Variants in CYTH3 observed in about 807,000 individuals in gnomAD.
The protein encoded by CYTH3 is cytohesin-3.
Under a neutral mutation model 55.1 loss-of-function variants are expected in CYTH3, and 23 were observed. That is an observed-to-expected ratio of 0.42 (90% CI 0.30 to 0.59). The LOEUF (loss-of-function observed/expected upper bound fraction) is 0.59, where lower values mean the gene tolerates loss of function less well. Among genes scored for constraint, CYTH3 ranks in the 20% least tolerant of loss-of-function variants. The probability of loss-of-function intolerance (pLI) is 0.20; values close to 1 mark genes in which losing one functional copy is unlikely to be tolerated. For missense variants in CYTH3, 413 were observed against 524.8 expected (o/e 0.79, Z 2.08); for synonymous variants, 249 against 194.9 (o/e 1.28, Z -2.31).
chr7:6,263,627 C>A (rs970121690), intron 1 of CYTH3, among the ~76,000 whole-genome samples: 2 of 151,962 alleles, frequency 1.3e-5, no homozygotes, highest in Non-Finnish European at 2.9e-5. Context: ...AAAAACCTGT[C>A]TCTACTAAAA....
chr7:6,259,195 G>GA (rs924997853), intron 1 of CYTH3, among the ~76,000 whole-genome samples: 2 of 152,048 alleles, frequency 1.3e-5, no homozygotes, highest in Non-Finnish European at 2.9e-5. Flanking sequence ...AAACTTGGGG[G>GA]AAAAAAATCA....
intron 1 of CYTH3, among the ~76,000 whole-genome samples, chr7:6,223,148 C>G (rs966968086): frequency 6.6e-6 from 1 of 151,076 alleles, no homozygotes; most frequent in Non-Finnish European, 1.5e-5. Flanking sequence ...CGCCTCTGCC[C>G]GGCCGCCCCG....
At chr7:6,267,053 G>A (rs1583210434) in intron 1 of CYTH3, among the ~76,000 whole-genome samples, 1 of 152,180 alleles carries the variant, frequency 6.6e-6, no homozygotes, top group Non-Finnish European at 1.5e-5. Context: ...GGACTCCTGA[G>A]ATCTGGTCGT....
At chr7:6,207,295 C>T (rs1367332391) in intron 1 of CYTH3, among the ~76,000 whole-genome samples, 2 of 151,960 alleles carry the variant, frequency 1.3e-5, no homozygotes, top group Admixed American at 6.6e-5. Flanking sequence ...AGGGCTTCAC[C>T]GTGTTAGCCA....
chr7:6,248,247 CAA>C (rs754789105), intron 1 of CYTH3, among the ~76,000 whole-genome samples: 20 of 128,194 alleles, frequency 1.6e-4, no homozygotes, highest in Non-Finnish European at 1.3e-4. Context: ...CCCCCCCAGC[CAA>C]AAAAAAAAAA....
chr7:6,164,381 TA>T lies in CYTH3; in HGVS notation c.*562del, dbSNP rs1235605289. The T allele has an allele frequency of 6.5e-6, 1 of 153,120 alleles. No individual in the cohort carries two copies. Among genetic ancestry groups the T allele is most frequent in the Non-Finnish European group, 1.5e-5 (1 of 68,354 alleles). 9.5% of individuals were successfully genotyped at this position (153,120 alleles called of 1,614,324 possible). On this transcript the variant is annotated 3_prime_UTR_variant, in exon 13 of 13. Transcript: ENST00000350796. ...TACTGTTAGAAAGTATCTTTTGTTA[TA>T]ATTTCAGAATATAAAAAGGCATATA...
intron 1 of CYTH3, among the ~76,000 whole-genome samples, chr7:6,198,332 G>A (rs549056296): frequency 7.3e-6 from 1 of 137,474 alleles, no homozygotes; most frequent in East Asian, 3.6e-4. Context: ...CACCCAGATT[G>A]TATAGCAAAT....
chr7:6,255,142 C>G (rs895598265), intron 1 of CYTH3, among the ~76,000 whole-genome samples: 1 of 152,108 alleles, frequency 6.6e-6, no homozygotes, highest in East Asian at 1.9e-4. Flanking sequence ...GGTTTTTTAA[C>G]AGCTTAGGGA....
At chr7:6,220,826 T>C (rs1433962133) in intron 1 of CYTH3, among the ~76,000 whole-genome samples, 2 of 151,996 alleles carry the variant, frequency 1.3e-5, no homozygotes, top group Non-Finnish European at 2.9e-5. Context: ...TGAAACCCCA[T>C]CTCTACTAAA....
chr7:6,188,246 CT>C (rs1048152955), intron 2 of CYTH3, among the ~76,000 whole-genome samples: 77 of 151,866 alleles, frequency 5.1e-4, no homozygotes, highest in African/African-American at 1.7e-3. Flanking sequence ...GGAGGGAGGA[CT>C]GCATGAACCC....
At chr7:6,222,983 T>C (rs1185575330) in intron 1 of CYTH3, among the ~76,000 whole-genome samples, 1 of 152,238 alleles carries the variant, frequency 6.6e-6, no homozygotes, top group Admixed American at 6.5e-5. Flanking sequence ...ACTAAACACT[T>C]GCTGGCAGCC....
chr7:6,230,276 T>C (rs1779358300), intron 1 of CYTH3, among the ~76,000 whole-genome samples: 1 of 152,222 alleles, frequency 6.6e-6, no homozygotes, highest in South Asian at 2.1e-4. Context: ...CTGATTATAT[T>C]AACCACTATT....
At chr7:6,240,125 G>C (rs1262317003) in intron 1 of CYTH3, among the ~76,000 whole-genome samples, 1 of 152,096 alleles carries the variant, frequency 6.6e-6, no homozygotes, top group African/African-American at 2.4e-5. Context: ...GGCCAACACA[G>C]TGAAACCTCG....
At chr7:6,225,895 G>T (rs559256796) in intron 1 of CYTH3, among the ~76,000 whole-genome samples, 1 of 151,576 alleles carries the variant, frequency 6.6e-6, no homozygotes, top group Non-Finnish European at 1.5e-5. Context: ...GGCCAGACTG[G>T]TCTTGAACTC....
chr7:6,182,172 C>A (rs890119652), intron 4 of CYTH3, among the ~76,000 whole-genome samples: 2 of 152,082 alleles, frequency 1.3e-5, no homozygotes, highest in Non-Finnish European at 2.9e-5. Context: ...CTCAGCCTCC[C>A]GAGTAGCTGA....
At chr7:6,177,673 C>T (rs1318657551) in intron 5 of CYTH3, 150 bp downstream of exon 5, 1 of 643,518 alleles carries the variant, frequency 1.6e-6, no homozygotes. Context: ...ACTGGGCTCG[C>T]TTGGTATTGA....
chr7:6,260,788 C>G (rs1033237305), intron 1 of CYTH3, among the ~76,000 whole-genome samples: 1 of 152,138 alleles, frequency 6.6e-6, no homozygotes, highest in Non-Finnish European at 1.5e-5. Context: ...TTTCTCCTCT[C>G]TCAACTCTCT....
intron 1 of CYTH3, among the ~76,000 whole-genome samples, chr7:6,242,371 T>C (rs898441724): frequency 8.8e-6 from 1 of 114,234 alleles, no homozygotes; most frequent in East Asian, 3.2e-4. Context: ...CCACCGCGCC[T>C]GGCATTTTTT....
At chr7:6,184,708 A>T in intron 4 of CYTH3, among the ~76,000 whole-genome samples, 1 of 152,132 alleles carries the variant, frequency 6.6e-6, no homozygotes, top group Admixed American at 6.5e-5. Flanking sequence ...CCTCCCGAGT[A>T]GCTGGGACTA....
Sources: allele counts gnomAD v4.1 joint callset (sites outside exome capture counted in the v4.1 genomes callset), GRCh38; gene constraint gnomAD v4.1.1; transcripts MANE v1.5; gene names NCBI Gene and HGNC (gene_info 2026-07-23, HGNC 2026-07-21).